The following ESR1 variants were observed in gnomAD, a reference collection of about 807,000 sequenced individuals.
The protein encoded by ESR1 is estrogen receptor.
Under a neutral mutation model 52.7 loss-of-function variants are expected in ESR1, and 12 were observed. The ratio of observed to expected loss-of-function variants is 0.23; its 90% CI spans 0.15 to 0.37. ESR1 has a LOEUF of 0.37. ESR1 is among the 10% of genes least tolerant of loss of function. The pLI is 1.00. For synonymous variants in ESR1, 305 were observed against 316.8 expected, an observed-to-expected ratio of 0.96 and a Z score of 0.39; for missense variants, 584 against 779.7, an observed-to-expected ratio of 0.75 and a Z score of 2.99.
chr6:151,743,287 A>C (rs751817925), intron 2 of ESR1, among the ~76,000 whole-genome samples: 2 of 152,046 alleles, frequency 1.3e-5, no homozygotes, highest in Non-Finnish European at 2.9e-5. Flanking sequence ...GGGGGCTTAG[A>C]CTGCAGTAGA....
At chr6:151,886,922 T>C (rs1170406874) in intron 3 of ESR1, among the ~76,000 whole-genome samples, 1 of 151,782 alleles carries the variant, frequency 6.6e-6, no homozygotes, top group African/African-American at 2.4e-5. Context: ...CCACCTGTAA[T>C]CCCAGCTATT....
intron 3 of ESR1, among the ~76,000 whole-genome samples, chr6:151,902,286 T>G (rs1796807441): frequency 6.6e-6 from 1 of 152,108 alleles, no homozygotes; most frequent in Admixed American, 6.5e-5. Context: ...CACCCACCAG[T>G]TTTGATCTTG....
chr6:151,910,211 G>T (rs1798060609), intron 3 of ESR1, among the ~76,000 whole-genome samples: 1 of 151,632 alleles, frequency 6.6e-6, no homozygotes, highest in Non-Finnish European at 1.5e-5. Context: ...TATGTTGTTG[G>T]TGTGACTGAG....
At chr6:152,072,526 G>T (rs1220413278) in intron 6 of ESR1, among the ~76,000 whole-genome samples, 2 of 152,174 alleles carry the variant, frequency 1.3e-5, no homozygotes, top group Non-Finnish European at 2.9e-5. Flanking sequence ...CTGGACACGG[G>T]ACTGAACATG....
intron 2 of ESR1, among the ~76,000 whole-genome samples, chr6:151,736,375 G>GTTTTTTTTTTTTTTT (rs10624912): frequency 1.2e-4 from 14 of 112,730 alleles, no homozygotes; most frequent in African/African-American, 2.3e-4. Context: ...TCCAGGTAGT[G>GTTTTTTTTTTTTTTT]TTTTTTTTTT....
At chr6:151,862,973 A>G (rs1789166303) in intron 2 of ESR1, among the ~76,000 whole-genome samples, 1 of 152,124 alleles carries the variant, frequency 6.6e-6, no homozygotes, top group Non-Finnish European at 1.5e-5. Context: ...GCAAATGAAT[A>G]CACAAGATTA....
At chr6:151,890,839 C>A (rs903029815) in intron 3 of ESR1, among the ~76,000 whole-genome samples, 1 of 152,120 alleles carries the variant, frequency 6.6e-6, no homozygotes, top group East Asian at 1.9e-4. Context: ...TCATAGAATG[C>A]CTTTTTTGGT....
At chr6:151,801,051 G>GGTGTGTGT (rs3062689), upstream of ESR1, among the ~76,000 whole-genome samples, 13,804 of 147,586 alleles carry the variant, frequency 0.094, 764 homozygotes, top group Non-Finnish European at 0.11. Context: ...TTGATTATGT[G>GGTGTGTGT]GTGTGTGTGT....
intron 2 of ESR1, among the ~76,000 whole-genome samples, chr6:151,849,224 G>A (rs7738799): frequency 0.019 from 2,936 of 152,112 alleles, 29 homozygotes; most frequent in African/African-American, 0.031. Flanking sequence ...ATCAGGTACC[G>A]TGCAAACTTG....
At chr6:151,965,852 T>TA (rs5880950) in intron 4 of ESR1, among the ~76,000 whole-genome samples, 122,735 of 151,918 alleles carry the variant, frequency 0.81, 49,942 homozygotes, top group Middle Eastern at 0.9. Flanking sequence ...GTTCTGTGGT[T>TA]ATAAAATTTG....
At chr6:151,848,988 G>C (rs1785770193) in intron 2 of ESR1, among the ~76,000 whole-genome samples, 1 of 151,950 alleles carries the variant, frequency 6.6e-6, no homozygotes. Flanking sequence ...ACGCCAACAT[G>C]TTCCTTCCTC....
intron 1 of ESR1, among the ~76,000 whole-genome samples, chr6:151,818,774 A>G (rs1384914335): frequency 1.3e-5 from 2 of 151,872 alleles, no homozygotes; most frequent in African/African-American, 4.8e-5. Flanking sequence ...AAGCTACTAG[A>G]GTGTACTACC....
chr6:151,765,126 T>C (rs970077135), intron 2 of ESR1, among the ~76,000 whole-genome samples: 2 of 152,242 alleles, frequency 1.3e-5, no homozygotes, highest in Non-Finnish European at 2.9e-5. Flanking sequence ...ATAACAATTA[T>C]TAATGAAAAA....
At chr6:151,981,543 T>A (rs2039993453) in intron 4 of ESR1, among the ~76,000 whole-genome samples, 1 of 152,196 alleles carries the variant, frequency 6.6e-6, no homozygotes, top group Non-Finnish European at 1.5e-5. Context: ...GGATGCTGAG[T>A]TTTTCTCCTT....
intron 1 of ESR1, among the ~76,000 whole-genome samples, chr6:151,694,741 T>A (rs1445349682): frequency 6.6e-6 from 1 of 151,570 alleles, no homozygotes; most frequent in African/African-American, 2.4e-5. Context: ...GAGCCGAGAT[T>A]GTGCCATTGA....
chr6:151,686,593 C>T (rs932645347), upstream of ESR1, among the ~76,000 whole-genome samples: 2 of 152,186 alleles, frequency 1.3e-5, no homozygotes, highest in African/African-American at 2.4e-5. Context: ...AAGGCTGAGG[C>T]AGGAGAATGG....
chr6:151,849,299 T>C (rs919653152), intron 2 of ESR1, among the ~76,000 whole-genome samples: 11 of 152,184 alleles, frequency 7.2e-5, no homozygotes, highest in African/African-American at 2.2e-4. Flanking sequence ...CCAGTGCTTT[T>C]AGTCATGTTG....
chr6:151,793,636 A>G (rs1192557675), intron 2 of ESR1, among the ~76,000 whole-genome samples: 4 of 152,194 alleles, frequency 2.6e-5, no homozygotes, highest in Non-Finnish European at 5.9e-5. Context: ...GACAGCTACA[A>G]TGTCAGGAGG....
intron 4 of ESR1, among the ~76,000 whole-genome samples, 161 bp downstream of exon 4, chr6:151,944,669 T>C (rs2035495414): frequency 1.3e-5 from 2 of 152,186 alleles, no homozygotes; most frequent in Non-Finnish European, 2.9e-5. Context: ...TACACTGTAA[T>C]TTTCCAGGAG....
Sources: gnomAD v4.1 joint callset for allele counts (sites outside exome capture counted in the v4.1 genomes callset) on GRCh38, gnomAD v4.1.1 for gene constraint, MANE v1.5 for transcripts, NCBI Gene and HGNC (gene_info 2026-07-23, HGNC 2026-07-21) for gene names.